PCDHA7: variants seen among roughly 807,000 people sequenced by gnomAD.
PCDHA7 encodes the protein protocadherin alpha 7.
In PCDHA7, 37 loss-of-function variants were observed where a neutral mutation model predicts 57.2. That is an observed-to-expected ratio of 0.65 (90% confidence interval 0.50 to 0.85). PCDHA7 has a LOEUF of 0.85. Ranked by LOEUF, PCDHA7 falls within the 40% of genes least tolerant of loss-of-function variation. The pLI is 0.00. For synonymous variants in PCDHA7, 553 were observed against 558.8 expected (o/e 0.99, Z 0.15); for missense variants, 1,188 against 1,241.8 (o/e 0.96, Z 0.65).
intron 1 of PCDHA7, chr5:140,857,725 C>T: frequency 6.3e-7 from 1 of 1,597,502 alleles, no homozygotes; most frequent in Non-Finnish European, 8.6e-7. Context: ...ACGAGAACGA[C>T]AACGCTCCCG....
In PCDHA7 at chr5:140,993,462, T is replaced by C. The variant is rs540334246; in HGVS notation, c.2503+10899T>C. ...CATTCCTGTTCTCCTTCTTTCTTTCTCACACACACACACACACACACACAC... is the reference window on the plus strand; with the variant it reads ...CATTCCTGTTCTCCTTCTTTCTTTCCCACACACACACACACACACACACAC... On this transcript the variant is annotated intron_variant, in intron 3 of 3. Transcript: ENST00000525929. Among the ~76,000 whole-genome samples the C allele has an allele frequency of 4.2e-3, 597 of 141,044 alleles. 4 individuals are homozygous for C. Among genetic ancestry groups the C allele is most frequent in the African/African-American group, 0.015 (577 of 37,966 alleles). 92.5% of individuals were successfully genotyped at this position (141,044 alleles called of 152,430 possible).
intron 1 of PCDHA7, chr5:140,966,954 G>T (rs782541612): frequency 6.2e-7 from 1 of 1,601,606 alleles, no homozygotes; most frequent in Non-Finnish European, 8.5e-7. Flanking sequence ...AACGTGGCTC[G>T]CGCGCTGGGG....
chr5:140,863,054 C>G (rs782230068), intron 1 of PCDHA7: 4 of 563,138 alleles, frequency 7.1e-6, no homozygotes, highest in Non-Finnish European at 1.4e-5. Flanking sequence ...TGGCAGCACC[C>G]GTTCCACGTG....
At chr5:140,943,893 A>AT (rs1364551909) in intron 1 of PCDHA7, among the ~76,000 whole-genome samples, 3 of 152,226 alleles carry the variant, frequency 2.0e-5, no homozygotes, top group Non-Finnish European at 4.4e-5. Flanking sequence ...ACTGGTCATT[A>AT]TGATGTCATG....
chr5:140,842,799 C>A, intron 1 of PCDHA7: 1 of 1,594,426 alleles, frequency 6.3e-7, no homozygotes, highest in Non-Finnish European at 8.6e-7. Flanking sequence ...GTGTCCTACT[C>A]GCTTGTGGAG....
chr5:140,883,508 G>C (rs939760233), intron 1 of PCDHA7: 19 of 1,614,202 alleles, frequency 1.2e-5, no homozygotes, highest in Non-Finnish European at 1.5e-5. Flanking sequence ...CAGCGCCCTG[G>C]ACCGCGAGAG....
rs1554149566 is a variant in PCDHA7 at position 140,857,139 on chromosome 5, T to C, written c.2355+20401T>C. ...CTCCCAGTGAAAGAAGATGCTCAAG[T>C]GGGCACCGTCATTGCCCTAATCAGC... On this transcript the variant is annotated intron_variant, in intron 1 of 3. Transcript: ENST00000525929. 4 of 1,598,152 alleles carry C rather than the reference T, an allele frequency of 2.5e-6. 1 individual carries two copies. The highest frequency in any genetic ancestry group is 1.7e-5 in the Admixed American group (1 of 59,246).
intron 1 of PCDHA7, chr5:140,857,104 TTC>T: frequency 6.3e-7 from 1 of 1,597,962 alleles, no homozygotes; most frequent in Non-Finnish European, 8.6e-7. Flanking sequence ...TGATTGTCAC[TTC>T]TCTGTCTCTC....
intron 1 of PCDHA7, chr5:140,877,813 G>A (rs781966059): frequency 6.2e-7 from 1 of 1,610,266 alleles, no homozygotes; most frequent in Admixed American, 1.7e-5. Context: ...GCTGTCTCGA[G>A]AAGATTGTTT....
intron 1 of PCDHA7, among the ~76,000 whole-genome samples, chr5:140,890,344 A>T (rs1482265903): frequency 1.3e-5 from 2 of 152,196 alleles, no homozygotes; most frequent in Admixed American, 6.5e-5. Context: ...GGGATGGTTT[A>T]CTATATAGCA....
intron 1 of PCDHA7, among the ~76,000 whole-genome samples, chr5:140,957,433 A>G (rs2095359030): frequency 6.6e-6 from 1 of 152,202 alleles, no homozygotes; most frequent in Non-Finnish European, 1.5e-5. Flanking sequence ...TACTGTGCCT[A>G]ATTTATAAAT....
At chr5:140,911,564 C>A (rs1036102678) in intron 1 of PCDHA7, among the ~76,000 whole-genome samples, 2 of 152,226 alleles carry the variant, frequency 1.3e-5, no homozygotes, top group African/African-American at 4.8e-5. Flanking sequence ...TCTTTCATCA[C>A]TTTGTCCAGT....
rs145391750 is a variant in PCDHA7, at chr5:140,989,649, A to G, written c.2503+7086A>G. On this transcript the variant is annotated intron_variant, in intron 3 of 3. Coordinates refer to ENST00000525929, the MANE Select transcript of PCDHA7 (RefSeq NM_018910.3). ...GTGACAGCAAGGGTCTTTCATGGCA[A>G]TATTTTAAAAGAAACTCTGCCCAGA... 1.8e-3 allele frequency among the ~76,000 whole-genome samples: 268 copies of G among 152,316 alleles called. 1 individual carries two copies. The highest frequency in any genetic ancestry group is 6.3e-3 in the African/African-American group (263 of 41,564).
In PCDHA7 at chr5:141,010,490, A is replaced by C; in HGVS notation, c.*553A>C. 1.6e-6 allele frequency: 1 copy of C among 640,034 alleles called. No individual in the cohort carries two copies. The highest frequency in any genetic ancestry group is 2.4e-6 in the Non-Finnish European group (1 of 411,150). The allele number at this position is 640,034 out of a possible 1,614,324, so 39.6% of individuals were successfully genotyped here. On this transcript the variant is annotated 3_prime_UTR_variant, in exon 4 of 4. Coordinates refer to ENST00000525929, the MANE Select transcript of PCDHA7 (RefSeq NM_018910.3). ...GGAGGGGAAGTGTAAACTTAAAGGG[A>C]CCAGACTTTCTAAATCTTACAACTC...
chr5:140,877,076 T>C, intron 1 of PCDHA7: 1 of 1,613,022 alleles, frequency 6.2e-7, no homozygotes, highest in Non-Finnish European at 8.5e-7. Flanking sequence ...CAGTTCCAGG[T>C]GAGCGCGCGC....
rs2150476768 is a variant in PCDHA7, at chr5:140,850,270, G to C, written c.2355+13532G>C. On this transcript the variant is annotated intron_variant, in intron 1 of 3. Transcript: ENST00000525929. ...TCGGTGGGCGCCGGCGTAGTGGTGG[G>C]GAAGGTGCGCGCAGTGGACGCCGAC... 8 of 1,594,948 alleles carry C rather than the reference G, an allele frequency of 5.0e-6. 1 individual carries two copies. In the Admixed American group the frequency reaches 5.1e-5, roughly 10 times the overall value.
intron 3 of PCDHA7, among the ~76,000 whole-genome samples, chr5:140,993,108 G>A (rs1554253416): frequency 6.6e-6 from 1 of 152,202 alleles, no homozygotes; most frequent in African/African-American, 2.4e-5. Flanking sequence ...TCAGCGGTCA[G>A]TGTCACATCA....
At chr5:140,916,929 G>A (rs2077785456) in intron 1 of PCDHA7, among the ~76,000 whole-genome samples, 1 of 152,214 alleles carries the variant, frequency 6.6e-6, no homozygotes, top group African/African-American at 2.4e-5. Context: ...GAGCACTTAA[G>A]CATATAGTGG....
chr5:140,962,870 T>C (rs558640798), intron 1 of PCDHA7, among the ~76,000 whole-genome samples: 1 of 152,306 alleles, frequency 6.6e-6, no homozygotes, highest in Admixed American at 6.5e-5. Context: ...TAGAGCAACA[T>C]AAATACATGA....
Sources: allele counts gnomAD v4.1 joint callset (sites outside exome capture counted in the v4.1 genomes callset), GRCh38; gene constraint gnomAD v4.1.1; transcripts MANE v1.5; gene names NCBI Gene and HGNC (gene_info 2026-07-23, HGNC 2026-07-21).